SVEP1: variants seen among roughly 807,000 people sequenced by gnomAD.
The protein encoded by SVEP1 is sushi, von Willebrand factor type A, EGF and pentraxin domain-containing protein 1.
SVEP1 carries 164 observed loss-of-function variants against 367.3 expected under a neutral mutation model. The observed-to-expected ratio is 0.45, with a 90% CI of 0.39 to 0.51. The LOEUF is 0.51. Among genes scored for constraint, SVEP1 ranks in the 20% least tolerant of loss-of-function variants. SVEP1 has a pLI of 0.00. For missense variants in SVEP1, 4,117 were observed against 4,425.3 expected, an observed-to-expected ratio of 0.93 and a Z score of 1.98; for synonymous variants, 1,666 against 1,611.6, an observed-to-expected ratio of 1.03 and a Z score of -0.81.
intron 5 of SVEP1, among the ~76,000 whole-genome samples, chr9:110,508,973 A>T (rs1829669633): frequency 6.6e-6 from 1 of 152,154 alleles, no homozygotes; most frequent in African/African-American, 2.4e-5. Context: ...CCTCAATCTT[A>T]CACATATTTT....
At chr9:110,403,173 T>A (rs1827889021) in intron 39 of SVEP1, among the ~76,000 whole-genome samples, 1 of 151,674 alleles carries the variant, frequency 6.6e-6, no homozygotes, top group Non-Finnish European at 1.5e-5. Flanking sequence ...CAACCCCAAC[T>A]CCAGCAAGAG....
At chr9:110,546,438 C>T (rs1215986789) in intron 2 of SVEP1, 147 bp from the exon 3 acceptor site, 11 of 921,644 alleles carry the variant, frequency 1.2e-5, no homozygotes, top group East Asian at 8.0e-5. Flanking sequence ...CACCCAAATA[C>T]GAATGTGTGT....
chr9:110,398,380 C>T (rs1406736211), intron 40 of SVEP1, among the ~76,000 whole-genome samples: 2 of 152,068 alleles, frequency 1.3e-5, no homozygotes, highest in African/African-American at 2.4e-5. Context: ...GACCTAAAAC[C>T]ATAAAATCCC....
intron 34 of SVEP1, among the ~76,000 whole-genome samples, chr9:110,429,610 T>G (rs1213966108): frequency 6.6e-6 from 1 of 152,034 alleles, no homozygotes; most frequent in South Asian, 2.1e-4. Context: ...GGCTTGAGAG[T>G]GGTGTGGTCT....
intron 28 of SVEP1, among the ~76,000 whole-genome samples, chr9:110,436,120 G>A (rs1163755535): frequency 1.3e-5 from 2 of 151,168 alleles, no homozygotes; most frequent in South Asian, 2.1e-4. Flanking sequence ...TTTTATTGGA[G>A]AACATTATTT....
chr9:110,493,556 A>G (rs1395105912), intron 8 of SVEP1, among the ~76,000 whole-genome samples: 3 of 152,040 alleles, frequency 2.0e-5, no homozygotes, highest in African/African-American at 7.2e-5. Flanking sequence ...ACATGGTGAA[A>G]ACCCGTCTCT....
intron 3 of SVEP1, among the ~76,000 whole-genome samples, chr9:110,526,848 A>G (rs965021898): frequency 4.6e-5 from 7 of 152,146 alleles, no homozygotes; most frequent in Non-Finnish European, 8.8e-5. Flanking sequence ...CAGCAATAAA[A>G]AGAAATGAAT....
At chr9:110,433,916 C>A (rs1204208101) in intron 30 of SVEP1, among the ~76,000 whole-genome samples, 1 of 152,068 alleles carries the variant, frequency 6.6e-6, no homozygotes, top group Non-Finnish European at 1.5e-5. Context: ...AGAATAGGAG[C>A]TTTTTCCCCT....
chr9:110,510,258 AG>A (rs1298201514), intron 5 of SVEP1, among the ~76,000 whole-genome samples: 1 of 152,202 alleles, frequency 6.6e-6, no homozygotes, highest in African/African-American at 2.4e-5. Context: ...CCACTTCAAA[AG>A]CTGGGTAGCC....
chr9:110,542,178 T>C (rs1830159599), intron 3 of SVEP1, among the ~76,000 whole-genome samples: 3 of 152,120 alleles, frequency 2.0e-5, no homozygotes, highest in Admixed American at 6.6e-5. Context: ...AAGATGTTAT[T>C]TTCAAACATG....
chr9:110,535,462 C>T (rs558073838), intron 3 of SVEP1, among the ~76,000 whole-genome samples: 4 of 152,158 alleles, frequency 2.6e-5, no homozygotes, highest in Non-Finnish European at 5.9e-5. Flanking sequence ...ATGCGTCCAC[C>T]TTTTTTCTTT....
At chr9:110,516,748 C>T (rs934890081) in intron 3 of SVEP1, among the ~76,000 whole-genome samples, 7 of 152,060 alleles carry the variant, frequency 4.6e-5, no homozygotes, top group African/African-American at 9.7e-5. Context: ...AGCCATATAA[C>T]TCCAGAACAA....
intron 9 of SVEP1, among the ~76,000 whole-genome samples, chr9:110,489,389 AC>A (rs1358075563): frequency 6.6e-6 from 1 of 152,222 alleles, no homozygotes; most frequent in Non-Finnish European, 1.5e-5. Context: ...GGGAGGCCTC[AC>A]AATCACGGCA....
chr9:110,435,190 T>C (rs1368495304), intron 29 of SVEP1, 51 bp downstream of exon 29: 18 of 1,600,320 alleles, frequency 1.1e-5, no homozygotes, highest in Admixed American at 3.4e-5. Context: ...TGCTAGACAG[T>C]CCCAGGGTGG....
At chr9:110,550,173 G>T in intron 1 of SVEP1, 69 bp from the exon 2 acceptor site, 1 of 1,574,752 alleles carries the variant, frequency 6.4e-7, no homozygotes, top group African/African-American at 1.3e-5. Flanking sequence ...CTCTTCTTAC[G>T]TAAGGCAGTA....
chr9:110,489,470 C>T (rs1829333477), intron 9 of SVEP1, among the ~76,000 whole-genome samples, 180 bp downstream of exon 9: 1 of 152,118 alleles, frequency 6.6e-6, no homozygotes, highest in Admixed American at 6.6e-5. Context: ...GGGGAACTCC[C>T]CCTTATAAAA....
At chr9:110,570,467 C>CGTGTGT (rs59503025) in intron 1 of SVEP1, among the ~76,000 whole-genome samples, 2,505 of 146,914 alleles carry the variant, frequency 0.017, 39 homozygotes, top group East Asian at 0.064. Context: ...GTTTCTGTTG[C>CGTGTGT]GTGTGTGTGT....
At chr9:110,528,872 T>A (rs1340522340) in intron 3 of SVEP1, among the ~76,000 whole-genome samples, 6 of 151,812 alleles carry the variant, frequency 4.0e-5, no homozygotes, top group African/African-American at 1.4e-4. Flanking sequence ...ATTTTAAAAC[T>A]GAATTTTAAT....
Position 110,407,013 on chromosome 9 carries a change from A to G in SVEP1, c.8587T>C (p.Phe2863Leu). 6.2e-7 allele frequency: 1 copy of G among 1,613,848 alleles called. No individual in the cohort carries two copies. Among genetic ancestry groups the G allele is most frequent in the East Asian group, 2.2e-5 (1 of 44,854 alleles). The change falls in exon 38 of 48, where the codon TTC becomes CTC. Residue 2863 changes from phenylalanine (F) to leucine (L), a missense_variant. Around this residue, in one of 4 missense-constraint regions of SVEP1, gnomAD observed 1,765 missense variants for 1,781.1 expected, o/e 0.99. Coordinates refer to ENST00000374469, the MANE Select transcript of SVEP1 (RefSeq NM_153366.4). Reference sequence around the variant, plus strand: ...CGACTCCTGGCTCCCTCAAGCAAGAACCCTTCATTGCAAGTGTATTCAATC... The same window carrying G: ...CGACTCCTGGCTCCCTCAAGCAAGAGCCCTTCATTGCAAGTGTATTCAATC... The part of the protein sequence containing the change: ...KEIEYTCNEG[F>L]LLEGARSRVC...
Sources: gnomAD v4.1 joint callset for allele counts (sites outside exome capture counted in the v4.1 genomes callset) on GRCh38, gnomAD v4.1.1 for gene constraint, gnomAD v4.1.1 regional missense constraint, MANE v1.5 for transcripts, NCBI Gene and HGNC (gene_info 2026-07-23, HGNC 2026-07-21) for gene names.